Variants in MAMDC2 observed in about 807,000 individuals in gnomAD.
MAMDC2 encodes MAM domain-containing protein 2.
A neutral mutation model predicts 89.8 loss-of-function variants in MAMDC2; 57 were observed. The ratio of observed to expected loss-of-function variants is 0.63; its 90% CI spans 0.51 to 0.79. The LOEUF is 0.79. Among genes scored for constraint, MAMDC2 ranks in the 30% least tolerant of loss-of-function variants. MAMDC2 has a pLI of 0.00. For missense variants in MAMDC2, 800 were observed against 820.6 expected (o/e 0.97, Z 0.31); for synonymous variants, 313 against 293.4 (o/e 1.07, Z -0.68).
intron 7 of MAMDC2, among the ~76,000 whole-genome samples, chr9:70,137,985 T>C (rs78598263): frequency 6.6e-6 from 1 of 152,178 alleles, no homozygotes; most frequent in African/African-American, 2.4e-5. Flanking sequence ...TAAGTGAGGA[T>C]TTTAGGGTAT....
chr9:70,056,110 G>A (rs1363053725), intron 2 of MAMDC2, among the ~76,000 whole-genome samples: 1 of 152,186 alleles, frequency 6.6e-6, no homozygotes, highest in African/African-American at 2.4e-5. Context: ...CTTATAAAGA[G>A]GATGACTTTA....
chr9:70,073,053 G>A (rs960341963), intron 2 of MAMDC2, among the ~76,000 whole-genome samples: 5 of 152,102 alleles, frequency 3.3e-5, no homozygotes, highest in Non-Finnish European at 5.9e-5. Context: ...CAGGCTAGTC[G>A]CAAATTCCTG....
rs562557044 is a variant in MAMDC2, at chr9:70,199,936, A to G, written c.1652-18401A>G. Among the ~76,000 whole-genome samples, 5 of 152,224 alleles carry G rather than the reference A, an allele frequency of 3.3e-5. No homozygotes were observed. In the East Asian group the frequency reaches 7.7e-4, roughly 24 times the overall value. On this transcript the variant is annotated intron_variant, in intron 11 of 13. Transcript: ENST00000377182. ...TTGTAAATTTGTTTGAGTTCATTGTAGATTCTGGATATTAGCCTTTTGTCA... is the reference window on the plus strand; with the variant it reads ...TTGTAAATTTGTTTGAGTTCATTGTGGATTCTGGATATTAGCCTTTTGTCA...
chr9:70,219,001 G>T (rs902688562), intron 12 of MAMDC2, among the ~76,000 whole-genome samples: 4 of 152,038 alleles, frequency 2.6e-5, no homozygotes, highest in African/African-American at 4.8e-5. Context: ...TTTGCCTTAA[G>T]CCTCTATTTA....
At chr9:70,159,158 C>T (rs2031871977) in intron 9 of MAMDC2, among the ~76,000 whole-genome samples, 1 of 151,732 alleles carries the variant, frequency 6.6e-6, no homozygotes, top group South Asian at 2.1e-4. Flanking sequence ...TAAATTGGCA[C>T]AATGTTTTAA....
At chr9:70,138,960 A>T (rs1563971011) in intron 7 of MAMDC2, among the ~76,000 whole-genome samples, 1 of 152,146 alleles carries the variant, frequency 6.6e-6, no homozygotes, top group African/African-American at 2.4e-5. Flanking sequence ...TTTCTATAAA[A>T]TATTATATCT....
chr9:70,168,816 GCTCT>G, intron 10 of MAMDC2, 21 bp downstream of exon 10: 2 of 1,569,808 alleles, frequency 1.3e-6, no homozygotes, highest in Non-Finnish European at 8.8e-7. Context: ...AATCATTTTA[GCTCT>G]CTGTCTCTCT....
chr9:70,183,173 A>G (rs1365024761), intron 11 of MAMDC2, among the ~76,000 whole-genome samples: 2 of 152,130 alleles, frequency 1.3e-5, no homozygotes, highest in East Asian at 3.8e-4. Flanking sequence ...TGGGTTTCCT[A>G]ATCCTGAGTC....
intron 11 of MAMDC2, among the ~76,000 whole-genome samples, chr9:70,182,886 T>TCTG (rs2032675074): frequency 6.6e-6 from 1 of 151,976 alleles, no homozygotes; most frequent in Admixed American, 6.6e-5. Context: ...TTTCTTGTCT[T>TCTG]CTAGCTTTTG....
chr9:70,046,523 T>C (rs1461859612), intron 2 of MAMDC2, among the ~76,000 whole-genome samples: 1 of 152,204 alleles, frequency 6.6e-6, no homozygotes, highest in Non-Finnish European at 1.5e-5. Context: ...TCTGTCAGGA[T>C]GGGGGCCCCC....
At chr9:70,207,725 G>C (rs1406463098) in intron 11 of MAMDC2, among the ~76,000 whole-genome samples, 2 of 152,170 alleles carry the variant, frequency 1.3e-5, no homozygotes, top group African/African-American at 2.4e-5. Context: ...GTCCTGAATG[G>C]TATTGCCTAG....
intron 9 of MAMDC2, among the ~76,000 whole-genome samples, chr9:70,152,758 T>C (rs553368355): frequency 1.3e-5 from 2 of 152,220 alleles, no homozygotes; most frequent in Admixed American, 6.5e-5. Context: ...GAGCTAGTTA[T>C]GTAACCTTCC....
intron 7 of MAMDC2, among the ~76,000 whole-genome samples, chr9:70,139,468 G>C (rs1392729622): frequency 5.2e-4 from 74 of 141,448 alleles, no homozygotes; most frequent in South Asian, 7.0e-4. Context: ...TTTTATGGCT[G>C]CATAGTATTC....
intron 9 of MAMDC2, among the ~76,000 whole-genome samples, chr9:70,163,774 T>C (rs58887877): frequency 6.6e-6 from 1 of 151,096 alleles, no homozygotes; most frequent in Non-Finnish European, 1.5e-5. Context: ...GGCAACAAGG[T>C]GAAACCCTGT....
At chr9:70,111,323 T>C (rs958837534) in intron 4 of MAMDC2, among the ~76,000 whole-genome samples, 3 of 152,250 alleles carry the variant, frequency 2.0e-5, no homozygotes, top group African/African-American at 4.8e-5. Context: ...AACATGTTAA[T>C]TGCCTTTCTT....
intron 2 of MAMDC2, chr9:70,092,576 C>T (rs542428034): frequency 6.6e-6 from 1 of 152,222 alleles, no homozygotes; most frequent in East Asian, 1.9e-4. Flanking sequence ...GGTTTCCAAA[C>T]CATCCCTGAG....
intron 7 of MAMDC2, among the ~76,000 whole-genome samples, chr9:70,134,293 C>T (rs1174168599): frequency 1.4e-5 from 2 of 143,458 alleles, no homozygotes; most frequent in Non-Finnish European, 3.0e-5. Flanking sequence ...AACTGCCCCC[C>T]ACACCCGGTG....
chr9:70,214,477 G>C (rs2033410082), intron 11 of MAMDC2, among the ~76,000 whole-genome samples: 2 of 152,338 alleles, frequency 1.3e-5, no homozygotes, highest in Non-Finnish European at 2.9e-5. Flanking sequence ...TAAGAGAATA[G>C]GTGGGAGACT....
At chr9:70,135,996 C>A (rs893484180) in intron 7 of MAMDC2, among the ~76,000 whole-genome samples, 1 of 151,922 alleles carries the variant, frequency 6.6e-6, no homozygotes, top group African/African-American at 2.4e-5. Flanking sequence ...ACAAAAAATA[C>A]AAAAATTAGC....
Sources: allele counts gnomAD v4.1 joint callset (sites outside exome capture counted in the v4.1 genomes callset), GRCh38; gene constraint gnomAD v4.1.1; transcripts MANE v1.5; gene names NCBI Gene and HGNC (gene_info 2026-07-23, HGNC 2026-07-21).